SUGCT: variants seen among roughly 807,000 people sequenced by gnomAD.
The protein encoded by SUGCT is succinyl-CoA:glutarate-CoA transferase.
In SUGCT, 41 loss-of-function variants were observed where a neutral mutation model predicts 55.0. The ratio of observed to expected loss-of-function variants is 0.74; its 90% confidence interval spans 0.58 to 0.97. The LOEUF (loss-of-function observed/expected upper bound fraction) is 0.97. SUGCT is among the 50% of genes least tolerant of loss of function. The probability of loss-of-function intolerance (pLI) is 0.00; values close to 1 mark genes in which losing one functional copy is unlikely to be tolerated. For synonymous variants in SUGCT, 187 were observed against 200.4 expected (o/e 0.93, Z 0.56); for missense variants, 568 against 547.8 (o/e 1.04, Z -0.37).
chr7:40,583,915 T>C (rs1369400276), intron 12 of SUGCT, among the ~76,000 whole-genome samples: 1 of 152,220 alleles, frequency 6.6e-6, no homozygotes, highest in East Asian at 1.9e-4. Flanking sequence ...GAATTTTTAC[T>C]TGCCAGGATG....
intron 9 of SUGCT, among the ~76,000 whole-genome samples, chr7:40,414,387 C>G (rs1037997799): frequency 6.6e-6 from 1 of 152,082 alleles, no homozygotes; most frequent in African/African-American, 2.4e-5. Context: ...TCTAGGTTTT[C>G]AGGTCAAATA....
At chr7:40,945,346 G>A in the SUGCT span, among the ~76,000 whole-genome samples, 5 of 152,118 alleles carry the variant, frequency 3.3e-5, no homozygotes, top group African/African-American at 1.2e-4. Context: ...TTGTCTGCAG[G>A]AATGCTGAAT....
chr7:40,739,245 C>G (rs1053950491), intron 12 of SUGCT, among the ~76,000 whole-genome samples: 1 of 152,180 alleles, frequency 6.6e-6, no homozygotes, highest in African/African-American at 2.4e-5. Context: ...CCTCCCTTCC[C>G]TCCACTCCCA....
In SUGCT at chr7:40,179,460, A is replaced by C. The variant is rs190691313; in HGVS notation, c.101-1487A>C. 1.4e-3 allele frequency among the ~76,000 whole-genome samples: 206 copies of C among 151,688 alleles called. 1 individual carries two copies. Among genetic ancestry groups the C allele is most frequent in the Admixed American group, 4.3e-3 (65 of 15,208 alleles). ...AGGCGTGCGTCACCATACCTGGCTA[A>C]TTTTGCATTTTTAGTGGAGACAGGG... On this transcript the variant is annotated intron_variant, in intron 1 of 13. Transcript: ENST00000335693.
chr7:40,966,489 A>G, the SUGCT span: 1 of 152,158 alleles, frequency 6.6e-6, no homozygotes, highest in South Asian at 2.1e-4. Context: ...TCCTGTGACA[A>G]AAGTTGTCTG....
chr7:40,734,152 G>T (rs1454190036), intron 12 of SUGCT, among the ~76,000 whole-genome samples: 1 of 152,176 alleles, frequency 6.6e-6, no homozygotes. Flanking sequence ...AAGATTACTT[G>T]CATCTTACTA....
rs578247490 is a variant in SUGCT, at chr7:40,577,850, T to C, written c.1089+81464T>C. Among the ~76,000 whole-genome samples, 7 of 152,346 alleles carry C rather than the reference T, an allele frequency of 4.6e-5. No individual in the cohort carries two copies. In the East Asian group the frequency reaches 1.3e-3, roughly 29 times the overall value. ...AGCTGATTTCTTTTGCTTTTGATTG[T>C]TTAAAAACTATAAACATTTGTTTTA... On this transcript the variant is annotated intron_variant, in intron 12 of 13. Transcript: ENST00000335693.
chr7:40,887,897 G>T, the SUGCT span, among the ~76,000 whole-genome samples: 2 of 152,166 alleles, frequency 1.3e-5, no homozygotes, highest in African/African-American at 2.4e-5. Flanking sequence ...GGAAAGTGGG[G>T]GTTGGAGAGT....
intron 12 of SUGCT, among the ~76,000 whole-genome samples, chr7:40,644,804 C>A (rs893440669): frequency 4.6e-5 from 7 of 152,102 alleles, no homozygotes; most frequent in Admixed American, 1.3e-4. Context: ...TGATGCTTGC[C>A]GTCACCGAAA....
At chr7:40,797,332 T>A (rs958967675) in intron 13 of SUGCT, among the ~76,000 whole-genome samples, 1 of 152,154 alleles carries the variant, frequency 6.6e-6, no homozygotes, top group Non-Finnish European at 1.5e-5. Flanking sequence ...TTTTTTTAAT[T>A]TGGAAAATAT....
intron 9 of SUGCT, among the ~76,000 whole-genome samples, chr7:40,439,271 C>T (rs1788368368): frequency 6.6e-6 from 1 of 151,222 alleles, no homozygotes; most frequent in Admixed American, 6.6e-5. Context: ...CTTGTTCTTT[C>T]ACCTTACTTA....
intron 12 of SUGCT, among the ~76,000 whole-genome samples, chr7:40,540,322 G>C (rs1044608596): frequency 6.6e-6 from 1 of 152,194 alleles, no homozygotes; most frequent in African/African-American, 2.4e-5. Flanking sequence ...GTAAGGTAAG[G>C]ACCATTGTCC....
chr7:40,852,928 A>G (rs1268308317), intron 13 of SUGCT, among the ~76,000 whole-genome samples: 1 of 152,120 alleles, frequency 6.6e-6, no homozygotes, highest in Admixed American at 6.5e-5. Context: ...ATTGGGTTTA[A>G]TAAGTGCTTA....
At chr7:40,336,495 G>T (rs921688397) in intron 9 of SUGCT, among the ~76,000 whole-genome samples, 2 of 152,140 alleles carry the variant, frequency 1.3e-5, no homozygotes, top group African/African-American at 4.8e-5. Context: ...ATGTGTCCAG[G>T]AATTTATCCA....
At chr7:40,599,116 G>T (rs1287103280) in intron 12 of SUGCT, among the ~76,000 whole-genome samples, 1 of 152,124 alleles carries the variant, frequency 6.6e-6, no homozygotes, top group African/African-American at 2.4e-5. Flanking sequence ...AAGCAGGTCT[G>T]TTTTGTGGTC....
intron 8 of SUGCT, among the ~76,000 whole-genome samples, chr7:40,302,943 A>G (rs1562661924): frequency 1.3e-5 from 2 of 152,288 alleles, no homozygotes; most frequent in East Asian, 3.9e-4. Flanking sequence ...CCACCTGGAC[A>G]TCCTATCGAC....
the SUGCT span, among the ~76,000 whole-genome samples, chr7:40,907,321 A>G: frequency 6.6e-6 from 1 of 152,174 alleles, no homozygotes; most frequent in Admixed American, 6.6e-5. Flanking sequence ...ACATCCCTGA[A>G]ACATAATTCT....
At chr7:40,548,916 G>A (rs947744245) in intron 12 of SUGCT, among the ~76,000 whole-genome samples, 2 of 152,032 alleles carry the variant, frequency 1.3e-5, no homozygotes, top group Non-Finnish European at 2.9e-5. Flanking sequence ...TTATATTTTT[G>A]TATTGAGTTT....
At chr7:40,711,145 G>A (rs1785693525) in intron 12 of SUGCT, among the ~76,000 whole-genome samples, 1 of 152,226 alleles carries the variant, frequency 6.6e-6, no homozygotes, top group Non-Finnish European at 1.5e-5. Context: ...CTCAGGAGAA[G>A]TGACCACTGC....
Sources: allele counts gnomAD v4.1 joint callset (sites outside exome capture counted in the v4.1 genomes callset), GRCh38; gene constraint gnomAD v4.1.1; transcripts MANE v1.5; gene names NCBI Gene and HGNC (gene_info 2026-07-23, HGNC 2026-07-21).